Variants in ASXL3 observed in about 807,000 individuals in gnomAD.
The protein encoded by ASXL3 is putative Polycomb group protein ASXL3.
Under a neutral mutation model 170.6 loss-of-function variants are expected in ASXL3, and 34 were observed. The observed-to-expected ratio is 0.20, with a 90% CI of 0.15 to 0.27. The LOEUF is 0.27. Among genes scored for constraint, ASXL3 ranks in the 10% least tolerant of loss-of-function variants. The probability of loss-of-function intolerance (pLI) is 1.00; values close to 1 mark genes in which losing one functional copy is unlikely to be tolerated. For missense variants in ASXL3, 2,592 were observed against 2,695.3 expected (o/e 0.96, Z 0.85); for synonymous variants, 1,002 against 989.1 (o/e 1.01, Z -0.24).
chr18:33,582,047 A>G (rs904015754), intron 1 of ASXL3, among the ~76,000 whole-genome samples: 2 of 152,134 alleles, frequency 1.3e-5, no homozygotes, highest in East Asian at 3.9e-4. Flanking sequence ...TTGCCATTTA[A>G]TATGGAGTCT....
Position 33,743,055 on chromosome 18 carries a change from GGCTGCTGCA to G in ASXL3, c.3216_3224del (p.Ala1073_Ala1075del). ...CCCAACAAGCTCGGGCCCAGCGAGA[GGCTGCTGCA>G]GCTGCTGCTGTGGCTGCTGCAGCGA... On this transcript the variant is annotated inframe_deletion, in exon 12 of 12. Coordinates refer to ENST00000269197, the MANE Select transcript of ASXL3 (RefSeq NM_030632.3). 6.2e-7 allele frequency: 1 copy of G among 1,613,310 alleles called. No individual in the cohort carries two copies. The highest frequency in any genetic ancestry group is 1.7e-5 in the Admixed American group (1 of 60,014).
At chr18:33,623,572 G>A (rs1383794668) in intron 2 of ASXL3, among the ~76,000 whole-genome samples, 1 of 152,112 alleles carries the variant, frequency 6.6e-6, no homozygotes, top group African/African-American at 2.4e-5. Context: ...TAGTTTATGA[G>A]ATGTCACTGT....
At position 33,744,819 on chromosome 18, in the gene ASXL3, C is replaced by T. The variant is rs1253956013; in HGVS notation, c.4971C>T (p.Pro1657=). 6.2e-6 allele frequency: 10 copies of T among 1,614,008 alleles called. No individual in the cohort carries two copies. Among genetic ancestry groups the T allele is most frequent in the Non-Finnish European group, 8.5e-6 (10 of 1,179,900 alleles). Residue 1657 remains proline, a synonymous_variant, in exon 12 of 12, where the codon CCC becomes CCT. Coordinates refer to ENST00000269197, the MANE Select transcript of ASXL3 (RefSeq NM_030632.3). The part of the protein sequence containing the change: ...ANYLNVSELH[P]RNLVTNVALP... ...ACTTGAACGTGTCAGAACTTCATCC[C>T]AGGAATCTTGTAACAAATGTTGCTC... is the stretch of plus-strand genomic sequence containing the variant.
At chr18:33,622,748 A>G (rs186449067) in intron 2 of ASXL3, among the ~76,000 whole-genome samples, 116 of 152,286 alleles carry the variant, frequency 7.6e-4, no homozygotes, top group African/African-American at 2.6e-3. Context: ...CTTTAAAGAC[A>G]TGCTCTGAAA....
At chr18:33,680,798 AGTAGTTTTTAGTTTATT>A (rs1179944038) in intron 7 of ASXL3, among the ~76,000 whole-genome samples, 41 of 152,014 alleles carry the variant, frequency 2.7e-4, no homozygotes, top group African/African-American at 8.2e-4. Flanking sequence ...ATTTCTGATT[AGTAGTTTTTAGTTTATT>A]GTTCATTTTC....
At chr18:33,580,713 T>C (rs1274346035) in intron 1 of ASXL3, among the ~76,000 whole-genome samples, 1 of 152,170 alleles carries the variant, frequency 6.6e-6, no homozygotes. Context: ...AGTTGGATTT[T>C]CCTCTCGAAA....
intron 8 of ASXL3, among the ~76,000 whole-genome samples, chr18:33,718,709 T>C (rs1195095224): frequency 7.2e-5 from 11 of 152,042 alleles, no homozygotes; most frequent in Middle Eastern, 3.4e-3. Flanking sequence ...TTTTCTTTTT[T>C]TTTTTCCTTC....
intron 1 of ASXL3, among the ~76,000 whole-genome samples, chr18:33,599,784 A>C (rs1406829769): frequency 2.0e-5 from 3 of 152,160 alleles, no homozygotes; most frequent in Non-Finnish European, 2.9e-5. Flanking sequence ...TAACTGGATT[A>C]AACAAACACT....
intron 1 of ASXL3, among the ~76,000 whole-genome samples, chr18:33,603,683 T>C (rs2145117290): frequency 6.6e-6 from 1 of 152,102 alleles, no homozygotes; most frequent in East Asian, 1.9e-4. Context: ...GTCCCGTTTG[T>C]GGAGAGCAAT....
intron 2 of ASXL3, among the ~76,000 whole-genome samples, chr18:33,636,744 G>C (rs1419633365): frequency 6.6e-6 from 1 of 152,014 alleles, no homozygotes; most frequent in Non-Finnish European, 1.5e-5. Flanking sequence ...ATATAATGCA[G>C]GTTGAGTTTC....
intron 8 of ASXL3, among the ~76,000 whole-genome samples, chr18:33,713,312 T>C (rs2145354934): frequency 1.1e-5 from 1 of 91,288 alleles, no homozygotes; most frequent in Admixed American, 1.5e-4. Flanking sequence ...TGGAGTGCAG[T>C]GGCACAATCT....
intron 5 of ASXL3, among the ~76,000 whole-genome samples, chr18:33,666,352 T>C (rs552313131): frequency 6.6e-6 from 1 of 152,268 alleles, no homozygotes; most frequent in African/African-American, 2.4e-5. Context: ...AATCACATTA[T>C]AGACAAACCA....
At chr18:33,586,783 A>T (rs776772582) in intron 1 of ASXL3, among the ~76,000 whole-genome samples, 3 of 152,124 alleles carry the variant, frequency 2.0e-5, no homozygotes, top group Non-Finnish European at 4.4e-5. Flanking sequence ...GTCTGTCTTC[A>T]TGTATTGTGG....
chr18:33,582,737 T>C (rs2065004375), intron 1 of ASXL3, among the ~76,000 whole-genome samples: 1 of 150,316 alleles, frequency 6.7e-6, no homozygotes, highest in Non-Finnish European at 1.5e-5. Context: ...TGTGTGTGTG[T>C]GTGTTTTCTT....
At chr18:33,719,728 C>T (rs898853790) in intron 8 of ASXL3, among the ~76,000 whole-genome samples, 1 of 151,760 alleles carries the variant, frequency 6.6e-6, no homozygotes, top group African/African-American at 2.4e-5. Context: ...TATAAGAAAC[C>T]CCAGAAATCT....
At chr18:33,634,987 A>G (rs1182091016) in intron 2 of ASXL3, among the ~76,000 whole-genome samples, 1 of 152,104 alleles carries the variant, frequency 6.6e-6, no homozygotes, top group African/African-American at 2.4e-5. Context: ...ATCATTGTGG[A>G]CTGCAGAGGT....
At chr18:33,606,367 G>A (rs572645897) in intron 1 of ASXL3, among the ~76,000 whole-genome samples, 1 of 151,930 alleles carries the variant, frequency 6.6e-6, no homozygotes, top group Non-Finnish European at 1.5e-5. Context: ...ATCAGGATTG[G>A]GAAAAAGGAG....
chr18:33,724,966 C>G (rs2067324307), intron 8 of ASXL3, among the ~76,000 whole-genome samples: 1 of 151,952 alleles, frequency 6.6e-6, no homozygotes, highest in Non-Finnish European at 1.5e-5. Context: ...ATAATATTTT[C>G]CCTTGTGGAT....
At chr18:33,723,825 T>C (rs940428652) in intron 8 of ASXL3, among the ~76,000 whole-genome samples, 41 of 152,136 alleles carry the variant, frequency 2.7e-4, no homozygotes, top group African/African-American at 9.2e-4. Flanking sequence ...TTTTAAGCAA[T>C]TATCATAGCC....
Sources: gnomAD v4.1 joint callset for allele counts (sites outside exome capture counted in the v4.1 genomes callset) on GRCh38, gnomAD v4.1.1 for gene constraint, MANE v1.5 for transcripts, NCBI Gene and HGNC (gene_info 2026-07-23, HGNC 2026-07-21) for gene names.